The following FYB1 variants were observed in gnomAD, a reference collection of about 807,000 sequenced individuals.
FYB1 encodes the protein FYN binding protein 1.
In FYB1, 41 loss-of-function variants were observed where a neutral mutation model predicts 94.1. The observed-to-expected ratio is 0.44, with a 90% confidence interval of 0.34 to 0.57. The LOEUF (loss-of-function observed/expected upper bound fraction) is 0.57. Ranked by LOEUF, FYB1 falls within the 20% of genes least tolerant of loss-of-function variation. The pLI is 0.02. For missense variants in FYB1, 1,050 were observed against 976.8 expected (o/e 1.07, Z -1.00); for synonymous variants, 367 against 353.2 (o/e 1.04, Z -0.44).
chr5:39,250,022 G>T (rs1334197190), intron 1 of FYB1, among the ~76,000 whole-genome samples: 2 of 152,046 alleles, frequency 1.3e-5, no homozygotes, highest in African/African-American at 4.8e-5. Context: ...TTTATAAGGG[G>T]CTCTTCTCCC....
intron 1 of FYB1, among the ~76,000 whole-genome samples, chr5:39,263,201 A>G (rs1236041028): frequency 6.6e-6 from 1 of 152,198 alleles, no homozygotes; most frequent in Non-Finnish European, 1.5e-5. Flanking sequence ...CTGGAGCCCC[A>G]TGCCTACCCA....
intron 1 of FYB1, among the ~76,000 whole-genome samples, chr5:39,233,982 T>G (rs1345518450): frequency 6.6e-6 from 1 of 152,124 alleles, no homozygotes. Flanking sequence ...GGATGACATT[T>G]TGAGAACCAC....
At chr5:39,257,807 A>G (rs1752021954) in intron 1 of FYB1, among the ~76,000 whole-genome samples, 7 of 110,940 alleles carry the variant, frequency 6.3e-5, no homozygotes, top group Admixed American at 5.1e-4. Flanking sequence ...TTTGGAGACT[A>G]AAAAAAAAAA....
intron 1 of FYB1, among the ~76,000 whole-genome samples, chr5:39,266,660 G>A (rs1380743442): frequency 6.6e-6 from 1 of 152,156 alleles, no homozygotes; most frequent in African/African-American, 2.4e-5. Flanking sequence ...GATGAGCTTG[G>A]GGTGGAGAAG....
intron 1 of FYB1, among the ~76,000 whole-genome samples, chr5:39,228,522 C>A (rs1178846252): frequency 2.0e-5 from 3 of 151,810 alleles, no homozygotes; most frequent in Non-Finnish European, 4.4e-5. Flanking sequence ...AAGTTGTCAC[C>A]TATAGTAATG....
At chr5:39,108,306 C>T in intron 17 of FYB1, 44 bp from the exon 18 acceptor site, 2 of 1,471,252 alleles carry the variant, frequency 1.4e-6, no homozygotes, top group Non-Finnish European at 1.8e-6. Flanking sequence ...AAACTATGTT[C>T]TTGGCATTAG....
intron 2 of FYB1, among the ~76,000 whole-genome samples, chr5:39,194,496 C>A (rs1219013494): frequency 2.0e-5 from 3 of 151,740 alleles, no homozygotes; most frequent in African/African-American, 7.3e-5. Context: ...GCAGTCCAGC[C>A]TGAGTGACAA....
intron 3 of FYB1, among the ~76,000 whole-genome samples, chr5:39,144,353 A>G (rs1742450996): frequency 6.6e-6 from 1 of 152,228 alleles, no homozygotes; most frequent in East Asian, 1.9e-4. Flanking sequence ...TGTATAGGAA[A>G]TACAGAGGAG....
chr5:39,233,914 A>G (rs1750850831), intron 1 of FYB1, among the ~76,000 whole-genome samples: 1 of 152,150 alleles, frequency 6.6e-6, no homozygotes, highest in Non-Finnish European at 1.5e-5. Context: ...ATTATTGTGT[A>G]GGTAGTTTTG....
At position 39,266,021 on chromosome 5, in the gene FYB1, C is replaced by CA. The variant is rs201342493; in HGVS notation, c.-28+8381dup. On this transcript the variant is annotated intron_variant, in intron 1 of 1. Coordinates refer to the FYB1 transcript ENST00000510188. ...TGACCTAAGGTTTATGCATAAAATA[C>CA]AAAAAAAAATTGTACATGACTAGAA... Among the ~76,000 whole-genome samples, 186 of 143,194 alleles carry CA rather than the reference C, an allele frequency of 1.3e-3. 3 individuals carry two copies. The highest frequency in any genetic ancestry group is 3.9e-3 in the African/African-American group (151 of 38,572). 93.9% of individuals were successfully genotyped at this position (143,194 alleles called of 152,430 possible). A position where few individuals can be genotyped will look rare whatever the true frequency, so the allele number is the denominator to read the frequency against.
chr5:39,176,141 T>G (rs1183868395), intron 2 of FYB1, among the ~76,000 whole-genome samples: 4 of 23,714 alleles, frequency 1.7e-4, no homozygotes, highest in African/African-American at 2.6e-4. Context: ...TTTTCTGTTT[T>G]TTTTTTTTTT....
At chr5:39,129,764 A>G (rs749649993) in intron 10 of FYB1, among the ~76,000 whole-genome samples, 8 of 152,120 alleles carry the variant, frequency 5.3e-5, no homozygotes, top group Non-Finnish European at 8.8e-5. Context: ...TCAAAAAGAA[A>G]AATAGTAACT....
At chr5:39,173,554 T>C (rs1745445601) in intron 2 of FYB1, among the ~76,000 whole-genome samples, 1 of 152,190 alleles carries the variant, frequency 6.6e-6, no homozygotes, top group South Asian at 2.1e-4. Flanking sequence ...TAGGTTTTCT[T>C]CTAGGATTTT....
intron 2 of FYB1, among the ~76,000 whole-genome samples, chr5:39,183,579 C>T (rs1746465903): frequency 6.6e-6 from 1 of 152,122 alleles, no homozygotes; most frequent in Admixed American, 6.5e-5. Context: ...ATGATTCATA[C>T]CAACTGCCTG....
intron 17 of FYB1, 127 bp downstream of exon 17, chr5:39,110,229 A>C (rs1291005776): frequency 1.7e-6 from 1 of 578,078 alleles, no homozygotes; most frequent in East Asian, 3.0e-5. Context: ...TTAGTATAGC[A>C]TATTGTTTTT....
intron 16 of FYB1, among the ~76,000 whole-genome samples, chr5:39,111,242 T>C (rs1208010810): frequency 1.3e-5 from 2 of 151,980 alleles, no homozygotes; most frequent in African/African-American, 4.8e-5. Flanking sequence ...TTTGTGTTAG[T>C]GCCTAAAATC....
intron 1 of FYB1, among the ~76,000 whole-genome samples, chr5:39,230,519 C>G (rs1471893921): frequency 6.6e-6 from 1 of 151,944 alleles, no homozygotes; most frequent in African/African-American, 2.4e-5. Flanking sequence ...GGTAATTTGT[C>G]ACAGCATATA....
At chr5:39,209,446 C>G (rs1749162356) in intron 1 of FYB1, among the ~76,000 whole-genome samples, 1 of 151,930 alleles carries the variant, frequency 6.6e-6, no homozygotes, top group Non-Finnish European at 1.5e-5. Context: ...CGTGCCTCAG[C>G]CTCCGAGCAG....
At chr5:39,214,502 CAGAT>C (rs1355873838) in intron 1 of FYB1, among the ~76,000 whole-genome samples, 2 of 152,112 alleles carry the variant, frequency 1.3e-5, no homozygotes, top group Non-Finnish European at 2.9e-5. Flanking sequence ...TGTCTGTTGA[CAGAT>C]AGAGGGATAA....
Sources: gnomAD v4.1 joint callset for allele counts (sites outside exome capture counted in the v4.1 genomes callset) on GRCh38, gnomAD v4.1.1 for gene constraint, MANE v1.5 for transcripts, NCBI Gene and HGNC (gene_info 2026-07-23, HGNC 2026-07-21) for gene names.